Variants in TRDN observed in about 807,000 individuals in gnomAD.
TRDN encodes triadin in skeletal muscle.
A neutral mutation model predicts 149.7 loss-of-function variants in TRDN; 161 were observed. That is an observed-to-expected ratio of 1.08 (90% confidence interval 0.95 to 1.23). The LOEUF is 1.23. TRDN is among the 50% of genes most tolerant of loss of function. The pLI, the probability that TRDN is intolerant of heterozygous loss-of-function variation, is 0.00. For missense variants in TRDN, 896 were observed against 823.5 expected (o/e 1.09, Z -1.08); for synonymous variants, 294 against 250.5 (o/e 1.17, Z -1.64).
At chr6:123,603,521 A>C (rs1293232696) in intron 1 of TRDN, among the ~76,000 whole-genome samples, 3 of 152,090 alleles carry the variant, frequency 2.0e-5, no homozygotes, top group African/African-American at 4.8e-5. Flanking sequence ...TTACTTATTT[A>C]TTCAATTATC....
chr6:123,253,401 T>C lies in TRDN; in HGVS notation c.1952-966A>G, dbSNP rs376819898. 1.6e-4 allele frequency among the ~76,000 whole-genome samples: 24 copies of C among 152,114 alleles called. No individual in the cohort carries two copies. In the East Asian group the frequency reaches 2.3e-3, roughly 15 times the overall value. On this transcript the variant is annotated intron_variant, in intron 37 of 40. Transcript: ENST00000334268. ...TCTAACATAAACCTAAAGATTAAAA[T>C]TTTATAAAAATTAGGTTATTCCTAT...
chr6:123,615,793 A>C (rs550002631), intron 1 of TRDN, among the ~76,000 whole-genome samples: 32 of 152,242 alleles, frequency 2.1e-4, no homozygotes, highest in Non-Finnish European at 4.6e-4. Context: ...ATGGATATAA[A>C]ACTCCAGCTA....
chr6:123,473,975 A>G (rs889847152), intron 9 of TRDN, among the ~76,000 whole-genome samples: 6 of 152,196 alleles, frequency 3.9e-5, no homozygotes, highest in Non-Finnish European at 7.3e-5. Context: ...AACCAGTACC[A>G]GCCACTGCAA....
Position 123,393,625 on chromosome 6 carries a change from T to G in TRDN, c.1104A>C (p.Gln368His). 6.2e-7 allele frequency: 1 copy of G among 1,603,162 alleles called. No individual in the cohort carries two copies. The highest frequency in any genetic ancestry group is 8.5e-7 in the Non-Finnish European group (1 of 1,173,922). ...TTTTTAAAGTGTTTTATTGCTTACC[T>G]TGTGCTGCAATTTTTACAGTCCCTT... ...TKQGTVKIAA[Q>H]AAAKKDEKKE... Residue 368 changes from glutamine (Q) to histidine (H), a missense_variant and splice_region_variant, in exon 13 of 41, where the codon CAA becomes CAC. Physicochemically the swap from Gln to His is conservative, Grantham distance 24. Coordinates refer to ENST00000334268, the MANE Select transcript of TRDN (RefSeq NM_006073.4).
intron 27 of TRDN, 25 bp from the exon 28 acceptor site, chr6:123,273,388 G>C (rs1417497605): frequency 4.3e-6 from 4 of 930,748 alleles, no homozygotes; most frequent in Non-Finnish European, 4.4e-6. Context: ...TAACATATTA[G>C]ATTAAATTAC....
chr6:123,628,414 G>C (rs962847671), intron 1 of TRDN, among the ~76,000 whole-genome samples: 1 of 151,704 alleles, frequency 6.6e-6, no homozygotes, highest in Non-Finnish European at 1.5e-5. Flanking sequence ...CTTATATAGG[G>C]GCAGCTTGTG....
chr6:123,420,330 C>CA lies in TRDN; in HGVS notation c.1051+17732dup, dbSNP rs750174101. Reference sequence around the variant, plus strand: ...TAAAAGATGGCAGCTGAAATACAAGCAGCCTTTCAAATGCTCTTTCTGGTT... The same window carrying CA: ...TAAAAGATGGCAGCTGAAATACAAGCAAGCCTTTCAAATGCTCTTTCTGGTT... On this transcript the variant is annotated intron_variant, in intron 12 of 40. Coordinates refer to ENST00000334268, the MANE Select transcript of TRDN (RefSeq NM_006073.4). 1.8e-3 allele frequency among the ~76,000 whole-genome samples: 281 copies of CA among 152,116 alleles called. 1 individual carries two copies. The highest frequency in any genetic ancestry group is 3.2e-3 in the Non-Finnish European group (217 of 67,978).
At chr6:123,545,787 A>G (rs1042469400) in intron 4 of TRDN, among the ~76,000 whole-genome samples, 4 of 152,078 alleles carry the variant, frequency 2.6e-5, no homozygotes, top group African/African-American at 7.2e-5. Flanking sequence ...TGCTGAATCA[A>G]GGAAATAATT....
intron 21 of TRDN, among the ~76,000 whole-genome samples, chr6:123,348,170 T>C (rs997317342): frequency 6.6e-5 from 10 of 152,208 alleles, no homozygotes; most frequent in South Asian, 2.1e-4. Context: ...TTCCAAGATC[T>C]GAGTTAAATT....
At chr6:123,238,961 C>T (rs1445866389) in intron 38 of TRDN, among the ~76,000 whole-genome samples, 7 of 152,142 alleles carry the variant, frequency 4.6e-5, no homozygotes, top group Admixed American at 4.6e-4. Context: ...CTGCCTCAGC[C>T]TCCCAAGTAG....
chr6:123,499,317 A>C (rs1346785005), intron 8 of TRDN, among the ~76,000 whole-genome samples: 1 of 152,090 alleles, frequency 6.6e-6, no homozygotes, highest in Non-Finnish European at 1.5e-5. Flanking sequence ...CGCTTCAGAG[A>C]GTCTTCTTTA....
At chr6:123,295,484 C>T (rs1413211131) in intron 24 of TRDN, among the ~76,000 whole-genome samples, 1 of 152,160 alleles carries the variant, frequency 6.6e-6, no homozygotes, top group Non-Finnish European at 1.5e-5. Flanking sequence ...CACTTTGGGG[C>T]TCACCTGCCC....
intron 21 of TRDN, among the ~76,000 whole-genome samples, chr6:123,339,932 G>A (rs1420581801): frequency 6.6e-6 from 1 of 152,018 alleles, no homozygotes; most frequent in African/African-American, 2.4e-5. Context: ...TACAGATTAT[G>A]ATCAAAATAG....
intron 5 of TRDN, among the ~76,000 whole-genome samples, chr6:123,520,830 GT>G (rs1362246640): frequency 6.6e-6 from 1 of 152,040 alleles, no homozygotes; most frequent in Non-Finnish European, 1.5e-5. Flanking sequence ...CACTCTTCTG[GT>G]TTCCTTGTCC....
At chr6:123,260,696 A>G in intron 33 of TRDN, 58 bp from the exon 34 acceptor site, 9 of 1,343,460 alleles carry the variant, frequency 6.7e-6, no homozygotes, top group Non-Finnish European at 8.9e-6. Context: ...AAAAAGAAAA[A>G]GTATAGTTTT....
chr6:123,267,861 G>A (rs1345545756), intron 31 of TRDN, 110 bp from the exon 32 acceptor site: 12 of 708,258 alleles, frequency 1.7e-5, no homozygotes, highest in Middle Eastern at 2.6e-4. Context: ...ATGCCCCAAA[G>A]TCATTTTCAT....
chr6:123,270,993 A>T (rs746487821), intron 30 of TRDN, 146 bp downstream of exon 30: 5 of 409,680 alleles, frequency 1.2e-5, no homozygotes, highest in Non-Finnish European at 2.2e-5. Context: ...AGAATTCAGA[A>T]TGTTAGAAGT....
In TRDN at chr6:123,258,691, G is replaced by A. The variant is rs1776648718; in HGVS notation, c.1870+933C>T. Among the ~76,000 whole-genome samples the A allele has an allele frequency of 2.0e-5, 3 of 152,132 alleles. No homozygotes were observed. In the South Asian group the frequency reaches 6.2e-4, roughly 31 times the overall value. ...GGATTCCCTCTTTTTGTATTGTTTG[G>A]AGTCATTTTAGAAGGAATGGTACCA... is the stretch of plus-strand genomic sequence containing the variant. On this transcript the variant is annotated intron_variant, in intron 35 of 40. Transcript: ENST00000334268.
intron 21 of TRDN, among the ~76,000 whole-genome samples, chr6:123,344,820 G>T (rs1450223676): frequency 1.3e-5 from 2 of 151,944 alleles, no homozygotes; most frequent in Non-Finnish European, 2.9e-5. Flanking sequence ...GGATTGCATC[G>T]TGAGAGTAAG....
Sources: allele counts gnomAD v4.1 joint callset (sites outside exome capture counted in the v4.1 genomes callset), GRCh38; gene constraint gnomAD v4.1.1; transcripts MANE v1.5; gene names NCBI Gene and HGNC (gene_info 2026-07-23, HGNC 2026-07-21).